Variants in XPR1 observed in about 807,000 individuals in gnomAD.
The protein encoded by XPR1 is solute carrier family 53 member 1.
Under a neutral mutation model 87.5 loss-of-function variants are expected in XPR1, and 28 were observed. The ratio of observed to expected loss-of-function variants is 0.32; its 90% CI spans 0.24 to 0.44. The LOEUF (loss-of-function observed/expected upper bound fraction) is 0.44, where lower values mean the gene tolerates loss of function less well. XPR1 is among the 20% of genes least tolerant of loss of function. XPR1 has a pLI of 1.00. For missense variants in XPR1, 559 were observed against 862.3 expected, an observed-to-expected ratio of 0.65 and a Z score of 4.41; for synonymous variants, 300 against 306.1, an observed-to-expected ratio of 0.98 and a Z score of 0.21.
chr1:180,672,579 GTTTAT>G, intron 1 of XPR1, among the ~76,000 whole-genome samples: 1 of 152,092 alleles, frequency 6.6e-6, no homozygotes. Context: ...AAACTGTCCT[GTTTAT>G]TTTAGTATTA....
intron 9 of XPR1, among the ~76,000 whole-genome samples, chr1:180,831,937 G>T (rs1446267882): frequency 6.6e-6 from 1 of 152,108 alleles, no homozygotes; most frequent in Non-Finnish European, 1.5e-5. Flanking sequence ...GGTTCAAATG[G>T]TATTTCTGGT....
At chr1:180,694,462 G>A (rs2101961391) in intron 2 of XPR1, among the ~76,000 whole-genome samples, 1 of 152,222 alleles carries the variant, frequency 6.6e-6, no homozygotes, top group South Asian at 2.1e-4. Flanking sequence ...TCAGACTTGA[G>A]TGTATAAAAT....
At chr1:180,840,658 T>C (rs1179284408) in intron 11 of XPR1, among the ~76,000 whole-genome samples, 1 of 151,156 alleles carries the variant, frequency 6.6e-6, no homozygotes, top group Admixed American at 6.6e-5. Flanking sequence ...ATTTTTTAGA[T>C]GGACCGTTGG....
chr1:180,876,997 A>G (rs1652685521), intron 13 of XPR1, among the ~76,000 whole-genome samples: 1 of 152,250 alleles, frequency 6.6e-6, no homozygotes, highest in African/African-American at 2.4e-5. Flanking sequence ...ATTAGATCTA[A>G]TGTCACAGTT....
intron 2 of XPR1, among the ~76,000 whole-genome samples, chr1:180,767,869 G>C (rs1419049946): frequency 1.3e-5 from 2 of 151,436 alleles, no homozygotes; most frequent in Non-Finnish European, 2.9e-5. Context: ...TTTTGAGACG[G>C]AGTCTTGCTC....
chr1:180,824,961 T>G lies in XPR1; in HGVS notation c.954+18T>G. The G allele has an allele frequency of 6.2e-7, 1 of 1,609,672 alleles. No homozygotes were observed. ...TCTTTGAGGTAATCAAAGCAAGACA[T>G]AACACCTCATGAATATAGTTTGCAT... On this transcript the variant is annotated intron_variant, in intron 8 of 14. Coordinates refer to ENST00000367590, the MANE Select transcript of XPR1 (RefSeq NM_004736.4).
At chr1:180,706,840 G>A (rs947361372) in intron 2 of XPR1, among the ~76,000 whole-genome samples, 3 of 151,872 alleles carry the variant, frequency 2.0e-5, no homozygotes, top group African/African-American at 4.8e-5. Context: ...GGCTGGTCTC[G>A]AACTCCTGAC....
At chr1:180,859,437 A>G (rs1652146167) in intron 11 of XPR1, among the ~76,000 whole-genome samples, 1 of 152,196 alleles carries the variant, frequency 6.6e-6, no homozygotes, top group South Asian at 2.1e-4. Context: ...GTGATTCTGA[A>G]TATCACTAAA....
chr1:180,811,351 TA>T (rs1194972774), intron 6 of XPR1, 55 bp from the exon 7 acceptor site: 1 of 1,340,424 alleles, frequency 7.5e-7, no homozygotes, highest in African/African-American at 1.4e-5. Flanking sequence ...TTACAGCATA[TA>T]GTAAATACAA....
intron 1 of XPR1, among the ~76,000 whole-genome samples, chr1:180,678,423 G>C (rs1656435175): frequency 6.6e-6 from 1 of 152,148 alleles, no homozygotes; most frequent in African/African-American, 2.4e-5. Flanking sequence ...GTATATAAAA[G>C]ACAGTACATT....
At chr1:180,802,719 ACTTT>A (rs1232985958) in intron 3 of XPR1, among the ~76,000 whole-genome samples, 1 of 152,094 alleles carries the variant, frequency 6.6e-6, no homozygotes, top group African/African-American at 2.4e-5. Flanking sequence ...GCAGTAATCT[ACTTT>A]CTTTCTGTGT....
At chr1:180,680,562 A>G (rs1656540927) in intron 1 of XPR1, among the ~76,000 whole-genome samples, 1 of 151,974 alleles carries the variant, frequency 6.6e-6, no homozygotes, top group South Asian at 2.1e-4. Flanking sequence ...ACGGGGTTTC[A>G]CCATGTTGGC....
intron 11 of XPR1, among the ~76,000 whole-genome samples, chr1:180,839,192 ATC>A (rs1307239033): frequency 6.6e-6 from 1 of 152,186 alleles, no homozygotes; most frequent in Non-Finnish European, 1.5e-5. Flanking sequence ...TTGTATAGTG[ATC>A]TGTCATCAAT....
intron 1 of XPR1, among the ~76,000 whole-genome samples, chr1:180,663,641 C>T (rs1488127998): frequency 1.2e-4 from 19 of 152,174 alleles, no homozygotes; most frequent in Admixed American, 1.2e-3. Context: ...TAACCACCAC[C>T]TGCCTATTAC....
intron 8 of XPR1, 23 bp downstream of exon 8, chr1:180,824,966 C>A: frequency 1.9e-6 from 3 of 1,607,056 alleles, no homozygotes; most frequent in Non-Finnish European, 2.5e-6. Flanking sequence ...AGACATAACA[C>A]CTCATGAATA....
At chr1:180,667,220 A>G (rs1012873053) in intron 1 of XPR1, among the ~76,000 whole-genome samples, 1 of 152,090 alleles carries the variant, frequency 6.6e-6, no homozygotes, top group African/African-American at 2.4e-5. Flanking sequence ...GTCAAATTTC[A>G]GTCTTTCACC....
chr1:180,679,685 C>A (rs1023912365), intron 1 of XPR1, among the ~76,000 whole-genome samples: 1 of 152,108 alleles, frequency 6.6e-6, no homozygotes, highest in African/African-American at 2.4e-5. Context: ...TGGTTGTTAG[C>A]TAATCTAGAG....
intron 1 of XPR1, among the ~76,000 whole-genome samples, chr1:180,675,461 T>C (rs1230279521): frequency 1.3e-5 from 2 of 152,216 alleles, no homozygotes. Flanking sequence ...CCTTTTCTTA[T>C]ATTACTTAGT....
intron 2 of XPR1, among the ~76,000 whole-genome samples, chr1:180,759,263 A>C (rs1040275222): frequency 2.6e-5 from 4 of 152,174 alleles, no homozygotes; most frequent in Non-Finnish European, 5.9e-5. Flanking sequence ...AAATAACTAA[A>C]ATCAGAGCAG....
Sources: allele counts gnomAD v4.1 joint callset (sites outside exome capture counted in the v4.1 genomes callset), GRCh38; gene constraint gnomAD v4.1.1; transcripts MANE v1.5; gene names NCBI Gene and HGNC (gene_info 2026-07-23, HGNC 2026-07-21).